The following KYAT3 variants were observed in gnomAD, a reference collection of about 807,000 sequenced individuals.
The protein encoded by KYAT3 is kynurenine--oxoglutarate transaminase 3.
In KYAT3, 50 loss-of-function variants were observed where a neutral mutation model predicts 59.0. That is an observed-to-expected ratio of 0.85 (90% CI 0.68 to 1.07). The LOEUF is 1.07. Among genes scored for constraint, KYAT3 ranks in the 50% least tolerant of loss-of-function variants. The pLI is 0.00. For missense variants in KYAT3, 497 were observed against 533.3 expected (o/e 0.93, Z 0.67); for synonymous variants, 148 against 177.0 (o/e 0.84, Z 1.30).
the KYAT3 span, among the ~76,000 whole-genome samples, chr1:88,927,387 G>T: frequency 6.6e-6 from 1 of 152,168 alleles, no homozygotes; most frequent in Non-Finnish European, 1.5e-5. Context: ...AATTATAACA[G>T]CATCTTACAG....
chr1:88,929,741 A>G, the KYAT3 span, among the ~76,000 whole-genome samples: 20 of 152,228 alleles, frequency 1.3e-4, no homozygotes, highest in Non-Finnish European at 2.2e-4. Flanking sequence ...CTTAGGGTTA[A>G]AATTATCCAA....
chr1:88,926,264 G>A, the KYAT3 span, among the ~76,000 whole-genome samples: 2 of 152,162 alleles, frequency 1.3e-5, no homozygotes, highest in South Asian at 4.1e-4. Flanking sequence ...TTCCTAACAG[G>A]GGATTTAAAT....
intron 10 of KYAT3, among the ~76,000 whole-genome samples, chr1:88,951,256 C>G (rs906289021): frequency 6.8e-6 from 1 of 147,324 alleles, no homozygotes; most frequent in Non-Finnish European, 1.5e-5. Flanking sequence ...TTTTTTGAGA[C>G]GAAGTCTTGC....
the KYAT3 span, among the ~76,000 whole-genome samples, chr1:88,927,205 GA>G: frequency 6.6e-6 from 1 of 152,098 alleles, no homozygotes; most frequent in Non-Finnish European, 1.5e-5. Context: ...TCTTTTTTCA[GA>G]TGGGAAACAT....
At chr1:88,942,022 TTC>T (rs1295998357) in intron 13 of KYAT3, among the ~76,000 whole-genome samples, 1 of 152,242 alleles carries the variant, frequency 6.6e-6, no homozygotes, top group Non-Finnish European at 1.5e-5. Context: ...TTCTGTCATA[TTC>T]TCTCTCTTTT....
At position 88,945,722 on chromosome 1, in the gene KYAT3, C is replaced by T. The variant is rs571663209; in HGVS notation, c.1142-2299G>A. On this transcript the variant is annotated intron_variant, in intron 11 of 13. Coordinates refer to ENST00000260508, the MANE Select transcript of KYAT3 (RefSeq NM_001008661.3). ...ATGGTTTACTTTTATTCTCAAGCTA[C>T]GATTAAATAAGAGTTTTTGTTTTTA... is the stretch of plus-strand genomic sequence containing the variant. Among the ~76,000 whole-genome samples the T allele has an allele frequency of 1.8e-4, 28 of 152,226 alleles. No homozygotes were observed. The South Asian group carries it at 2.7e-3, about 15-fold the overall frequency.
intron 11 of KYAT3, 149 bp downstream of exon 11, chr1:88,948,942 A>G: frequency 1.8e-6 from 1 of 570,478 alleles, no homozygotes; most frequent in Non-Finnish European, 2.9e-6. Flanking sequence ...AGTAAAGATA[A>G]TTATAGAAAA....
chr1:88,926,687 G>A, the KYAT3 span, among the ~76,000 whole-genome samples: 1 of 152,212 alleles, frequency 6.6e-6, no homozygotes, highest in Admixed American at 6.5e-5. Flanking sequence ...TTGATAGGGA[G>A]ACTCTTGTGG....
chr1:88,976,262 CAGG>C (rs1676785549), intron 2 of KYAT3, among the ~76,000 whole-genome samples: 1 of 150,880 alleles, frequency 6.6e-6, no homozygotes, highest in African/African-American at 2.4e-5. Flanking sequence ...GAGGCTGAGG[CAGG>C]AGAATTGCTT....
chr1:88,967,761 TG>T (rs1317611881), intron 4 of KYAT3, among the ~76,000 whole-genome samples: 16 of 152,346 alleles, frequency 1.1e-4, no homozygotes, highest in African/African-American at 3.8e-4. Context: ...ATTCTTCATA[TG>T]GTACTTTGAG....
intron 2 of KYAT3, chr1:88,981,024 C>G (rs1370056561): frequency 6.6e-6 from 1 of 152,200 alleles, no homozygotes; most frequent in East Asian, 1.9e-4. Flanking sequence ...TCCAACAACT[C>G]AAGTCTGTTT....
chr1:88,950,736 C>G (rs574060600), intron 10 of KYAT3, among the ~76,000 whole-genome samples: 7 of 152,318 alleles, frequency 4.6e-5, no homozygotes, highest in Admixed American at 4.6e-4. Flanking sequence ...GTTCAATGCA[C>G]TGGCATTTCT....
intron 2 of KYAT3, chr1:88,982,766 C>T (rs1223811066): frequency 6.2e-7 from 1 of 1,613,950 alleles, no homozygotes. Flanking sequence ...AGGGTACCCC[C>T]TTTCTACAGA....
At chr1:88,984,888 C>T (rs974359934) in intron 2 of KYAT3, among the ~76,000 whole-genome samples, 9 of 152,192 alleles carry the variant, frequency 5.9e-5, no homozygotes, top group African/African-American at 2.2e-4. Flanking sequence ...TCCTTTACTA[C>T]ATATGAATTT....
intron 11 of KYAT3, among the ~76,000 whole-genome samples, chr1:88,947,722 A>C (rs1675497650): frequency 6.6e-6 from 1 of 152,194 alleles, no homozygotes; most frequent in Admixed American, 6.5e-5. Flanking sequence ...GAAAATCATA[A>C]CACCTTACTT....
intron 2 of KYAT3, 103 bp downstream of exon 2, chr1:88,988,149 T>C: frequency 1.4e-6 from 1 of 710,502 alleles, no homozygotes; most frequent in Non-Finnish European, 2.4e-6. Flanking sequence ...ATAGAAATGT[T>C]CATTTCAATA....
intron 2 of KYAT3, chr1:88,983,934 G>C (rs1384221373): frequency 2.3e-5 from 27 of 1,188,896 alleles, no homozygotes; most frequent in Non-Finnish European, 3.2e-5. Flanking sequence ...TGTCAGTTAG[G>C]AGGACTGAAC....
Position 88,936,101 on chromosome 1 carries a change from T to C in KYAT3, c.*82A>G, listed in dbSNP as rs1675026142. On this transcript the variant is annotated 3_prime_UTR_variant, in exon 14 of 14. Coordinates refer to ENST00000260508, the MANE Select transcript of KYAT3 (RefSeq NM_001008661.3). ...AAATTCCAGTTGTACTGAAATACCTTTTAACATCCAGCAGGTGGCAGCACT... is the reference window on the plus strand; with the variant it reads ...AAATTCCAGTTGTACTGAAATACCTCTTAACATCCAGCAGGTGGCAGCACT... The C allele has an allele frequency of 1.1e-6, 1 of 906,130 alleles. No homozygotes were observed. Among genetic ancestry groups the C allele is most frequent in the South Asian group, 1.7e-5 (1 of 60,032 alleles). 56.1% of individuals were successfully genotyped at this position (906,130 alleles called of 1,614,324 possible).
intron 9 of KYAT3, among the ~76,000 whole-genome samples, chr1:88,954,058 C>T (rs762964360): frequency 4.6e-5 from 7 of 152,110 alleles, no homozygotes; most frequent in African/African-American, 7.2e-5. Flanking sequence ...TGCGCCACCA[C>T]GCCCAGCTAA....
Sources: gnomAD v4.1 joint callset for allele counts (sites outside exome capture counted in the v4.1 genomes callset) on GRCh38, gnomAD v4.1.1 for gene constraint, MANE v1.5 for transcripts, NCBI Gene and HGNC (gene_info 2026-07-23, HGNC 2026-07-21) for gene names.